The following LRRN1 variants were observed in gnomAD, a reference collection of about 807,000 sequenced individuals.
LRRN1 encodes the protein leucine-rich repeat neuronal protein 1.
In LRRN1, 14 loss-of-function variants were observed where a neutral mutation model predicts 45.8. The ratio of observed to expected loss-of-function variants is 0.31; its 90% confidence interval spans 0.20 to 0.48. The LOEUF (loss-of-function observed/expected upper bound fraction) is 0.48, where lower values mean the gene tolerates loss of function less well. Ranked by LOEUF, LRRN1 falls within the 20% of genes least tolerant of loss-of-function variation. The probability of loss-of-function intolerance (pLI) is 0.99; values close to 1 mark genes in which losing one functional copy is unlikely to be tolerated. For missense variants in LRRN1, 789 were observed against 874.2 expected (o/e 0.90, Z 1.23); for synonymous variants, 359 against 330.1 (o/e 1.09, Z -0.95).
chr3:3,825,203 C>T (rs1693191598), intron 1 of LRRN1, among the ~76,000 whole-genome samples: 1 of 152,144 alleles, frequency 6.6e-6, no homozygotes. Context: ...ACCCTGCTTC[C>T]CATGCCTGGC....
chr3:3,815,417 C>G (rs1404030852), intron 1 of LRRN1, among the ~76,000 whole-genome samples: 1 of 152,150 alleles, frequency 6.6e-6, no homozygotes, highest in Non-Finnish European at 1.5e-5. Context: ...ATAAACTATT[C>G]TAATTCATTT....
At chr3:3,825,205 A>T (rs926582588) in intron 1 of LRRN1, among the ~76,000 whole-genome samples, 10 of 152,072 alleles carry the variant, frequency 6.6e-5, no homozygotes, top group African/African-American at 2.4e-4. Context: ...CCTGCTTCCC[A>T]TGCCTGGCCA....
chr3:3,846,406 T>A lies in LRRN1; in HGVS notation c.1765T>A (p.Ser589Thr), dbSNP rs1272954401. ...ATACAACCTAACGCATCTGCAGCCT[T>A]CCACAGATTATGAAGTGTGTCTCAC... ...HEYNLTHLQP[S>T]TDYEVCLTVS... Residue 589 changes from serine (S) to threonine (T), a missense_variant, in exon 2 of 2, where the codon TCC becomes ACC. Physicochemically the swap from Ser to Thr is moderately conservative, Grantham distance 58 (BLOSUM62 1). Coordinates refer to ENST00000319331, the MANE Select transcript of LRRN1 (RefSeq NM_020873.7). The surrounding 1 kb of genome is among the most constrained non-coding windows in gnomAD (Gnocchi z 5.7). 1 of 1,613,958 alleles carries A rather than the reference T, an allele frequency of 6.2e-7. No homozygotes were observed. The highest frequency in any genetic ancestry group is 8.5e-7 in the Non-Finnish European group (1 of 1,179,998).
intron 1 of LRRN1, among the ~76,000 whole-genome samples, chr3:3,840,566 T>G (rs551964243): frequency 6.6e-6 from 1 of 152,306 alleles, no homozygotes; most frequent in South Asian, 2.1e-4. Flanking sequence ...TAAAGAGAAT[T>G]CAGAATTAAA....
Position 3,844,660 on chromosome 3 carries a change from G to GTTA in LRRN1, c.21_23dup (p.Ile8dup). On this transcript the variant is annotated inframe_insertion, in exon 2 of 2. Coordinates refer to ENST00000319331, the MANE Select transcript of LRRN1 (RefSeq NM_020873.7). ...AGCCAGCATGGCTAGGATGAGCTTT[G>GTTA]TTATAGCAGCTTGCCAATTGGTGCT... is the stretch of plus-strand genomic sequence containing the variant. 2.5e-6 allele frequency: 4 copies of GTTA among 1,612,724 alleles called. No individual in the cohort carries two copies. The highest frequency in any genetic ancestry group is 3.4e-6 in the Non-Finnish European group (4 of 1,179,046).
intron 1 of LRRN1, among the ~76,000 whole-genome samples, chr3:3,809,502 T>A (rs974941173): frequency 6.6e-6 from 1 of 152,234 alleles, no homozygotes; most frequent in South Asian, 2.1e-4. Flanking sequence ...TAAAAGCTAC[T>A]ACTTGAGATT....
At chr3:3,828,377 C>T (rs1023436549) in intron 1 of LRRN1, among the ~76,000 whole-genome samples, 1 of 151,742 alleles carries the variant, frequency 6.6e-6, no homozygotes, top group Non-Finnish European at 1.5e-5. Context: ...CTCTTTTTCA[C>T]GTTTTTCTGC....
rs868703202 is a variant in LRRN1 at position 3,834,531 on chromosome 3, T to C, written c.-278-9833T>C. On this transcript the variant is annotated intron_variant, in intron 1 of 1. Transcript: ENST00000319331. ...TCTTAGAGGGACAGAACAGGATATA[T>C]ATATATATATATATATATATATGAT... Among the ~76,000 whole-genome samples the C allele has an allele frequency of 7.8e-5, 8 of 102,506 alleles. 1 individual carries two copies. The South Asian group carries it at 1.3e-3, about 17-fold the overall frequency. The allele number at this position is 102,506 out of a possible 152,430, so 67.2% of individuals were successfully genotyped here. A position where few individuals can be genotyped will look rare whatever the true frequency, so the allele number is the denominator to read the frequency against.
At chr3:3,836,771 G>A (rs916937831) in intron 1 of LRRN1, among the ~76,000 whole-genome samples, 6 of 152,160 alleles carry the variant, frequency 3.9e-5, no homozygotes, top group African/African-American at 1.4e-4. Context: ...TTTAGGGGTA[G>A]TAGCAAAACT....
chr3:3,802,525 G>A (rs537042997), intron 1 of LRRN1, among the ~76,000 whole-genome samples: 1 of 152,314 alleles, frequency 6.6e-6, no homozygotes, highest in East Asian at 1.9e-4. Context: ...GGGAGGGGTG[G>A]ACAACAGATG....
At chr3:3,830,937 C>T (rs1693358951) in intron 1 of LRRN1, among the ~76,000 whole-genome samples, 1 of 152,168 alleles carries the variant, frequency 6.6e-6, no homozygotes, top group Admixed American at 6.5e-5. Flanking sequence ...ATGGCAGGGC[C>T]TTGCTCCAAA....
intron 1 of LRRN1, among the ~76,000 whole-genome samples, chr3:3,824,065 C>T (rs1195484994): frequency 6.6e-6 from 1 of 152,152 alleles, no homozygotes; most frequent in Non-Finnish European, 1.5e-5. Flanking sequence ...TCTCAAACTA[C>T]CTGAGAGTCA....
intron 1 of LRRN1, among the ~76,000 whole-genome samples, chr3:3,815,887 T>C (rs1692977392): frequency 9.1e-6 from 1 of 110,038 alleles, no homozygotes; most frequent in Non-Finnish European, 1.8e-5. Flanking sequence ...AAATTTATTT[T>C]ATTAAGAAAT....
At chr3:3,826,198 CAA>C (rs906686683) in intron 1 of LRRN1, among the ~76,000 whole-genome samples, 4 of 151,756 alleles carry the variant, frequency 2.6e-5, no homozygotes, top group South Asian at 2.1e-4. Context: ...TTTAATAACA[CAA>C]GAGGAAGAAA....
chr3:3,808,526 T>C (rs746122342), intron 1 of LRRN1, among the ~76,000 whole-genome samples: 12 of 152,248 alleles, frequency 7.9e-5, no homozygotes, highest in South Asian at 6.2e-4. Flanking sequence ...TCTCAGTTTA[T>C]GGCATTCCTG....
chr3:3,817,125 T>C (rs899762488), intron 1 of LRRN1, among the ~76,000 whole-genome samples: 1 of 152,114 alleles, frequency 6.6e-6, no homozygotes, highest in Non-Finnish European at 1.5e-5. Context: ...CCTTTCACAG[T>C]TTCTGTTTTG....
At chr3:3,820,633 A>G (rs1159080802) in intron 1 of LRRN1, among the ~76,000 whole-genome samples, 5 of 152,352 alleles carry the variant, frequency 3.3e-5, no homozygotes, top group Non-Finnish European at 5.9e-5. Flanking sequence ...TTCAAATTAC[A>G]TGAACTTTAC....
At chr3:3,843,553 G>A (rs1693689833) in intron 1 of LRRN1, among the ~76,000 whole-genome samples, 2 of 150,304 alleles carry the variant, frequency 1.3e-5, no homozygotes, top group African/African-American at 4.9e-5. Context: ...GTAGCCTTTA[G>A]CACCCTTCCC....
At chr3:3,836,057 A>C (rs1010312213) in intron 1 of LRRN1, among the ~76,000 whole-genome samples, 1 of 150,348 alleles carries the variant, frequency 6.7e-6, no homozygotes, top group South Asian at 2.1e-4. Flanking sequence ...TGATAGATCT[A>C]GTCAGTCAGC....
Sources: gnomAD v4.1 joint callset for allele counts (sites outside exome capture counted in the v4.1 genomes callset) on GRCh38, gnomAD v4.1.1 for gene constraint, Gnocchi (gnomAD v3.1) non-coding constraint, MANE v1.5 for transcripts, NCBI Gene and HGNC (gene_info 2026-07-23, HGNC 2026-07-21) for gene names.